FAM149A: variants seen among roughly 807,000 people sequenced by gnomAD.
FAM149A encodes family with sequence similarity 149 member A.
In FAM149A, 71 loss-of-function variants were observed where a neutral mutation model predicts 78.2. That is an observed-to-expected ratio of 0.91 (90% confidence interval 0.75 to 1.11). The LOEUF is 1.11. Among genes scored for constraint, FAM149A ranks in the 50% least tolerant of loss-of-function variants. FAM149A has a pLI of 0.00. For missense variants in FAM149A, 1,036 were observed against 971.0 expected, an observed-to-expected ratio of 1.07 and a Z score of -0.89; for synonymous variants, 446 against 410.5, an observed-to-expected ratio of 1.09 and a Z score of -1.04.
intron 8 of FAM149A, chr4:186,158,305 C>T (rs1734235029): frequency 1.6e-6 from 2 of 1,217,124 alleles, no homozygotes; most frequent in South Asian, 3.0e-5. Flanking sequence ...CTTGGCTAGC[C>T]CACCTCCCAT....
At chr4:186,168,071 C>G (rs1579938018) in intron 13 of FAM149A, among the ~76,000 whole-genome samples, 1 of 152,306 alleles carries the variant, frequency 6.6e-6, no homozygotes, top group East Asian at 1.9e-4. Flanking sequence ...GAATTTTAAA[C>G]ATATAATTCT....
chr4:186,163,961 G>A (rs921009279), intron 10 of FAM149A, among the ~76,000 whole-genome samples: 1 of 152,164 alleles, frequency 6.6e-6, no homozygotes, highest in Non-Finnish European at 1.5e-5. Context: ...TTTTCAAGGG[G>A]AGGTTTAAAT....
rs574253657 is a variant in FAM149A at position 186,146,683 on chromosome 4, C to A, written c.567-2490C>A. The A allele has an allele frequency of 5.4e-6, 4 of 743,324 alleles. No individual in the cohort carries two copies. In the African/African-American group the frequency reaches 7.6e-5, roughly 14 times the overall value. 46.0% of individuals were successfully genotyped at this position (743,324 alleles called of 1,614,324 possible). A position where few individuals can be genotyped will look rare whatever the true frequency, so the allele number is the denominator to read the frequency against. On this transcript the variant is annotated intron_variant, in intron 1 of 13. Coordinates refer to ENST00000389354, the MANE Select transcript of FAM149A (RefSeq NM_001367768.3). ...ACCGTCTTGAGCAGAGCAGATGCTC[C>A]GTTTGGCGGTGAAAACCATTTGGGG... is the stretch of plus-strand genomic sequence containing the variant.
intron 7 of FAM149A, among the ~76,000 whole-genome samples, chr4:186,156,921 A>AGCTATGATCGTGCCTCT (rs148148966): frequency 6.6e-5 from 10 of 151,824 alleles, no homozygotes; most frequent in Admixed American, 2.0e-4. Context: ...ATTGAAAGTG[A>AGCTATGATCGTGCCTCT]GCACTCCATC....
chr4:186,149,436 T>A (rs1733298774), intron 2 of FAM149A, 130 bp from the exon 3 acceptor site: 1 of 1,113,436 alleles, frequency 9.0e-7, no homozygotes. Context: ...TATTTCAAAA[T>A]TAGTATACTG....
chr4:186,165,183 T>C (rs765780663), intron 10 of FAM149A, among the ~76,000 whole-genome samples, 161 bp from the exon 11 acceptor site: 1 of 152,204 alleles, frequency 6.6e-6, no homozygotes, highest in African/African-American at 2.4e-5. Context: ...TGCTATAAGT[T>C]CCCTGGGGAG....
At position 186,149,034 on chromosome 4, in the gene FAM149A, G is replaced by A. The variant is rs574941084; in HGVS notation, c.567-139G>A. 30 of 367,676 alleles carry A rather than the reference G, an allele frequency of 8.2e-5. 1 individual carries two copies. The highest frequency in any genetic ancestry group is 4.3e-4 in the South Asian group (18 of 41,826). The allele number at this position is 367,676 out of a possible 1,614,324, so 22.8% of individuals were successfully genotyped here. ...TGTGTGTGTGTGTGTGTGTGTGTGC[G>A]CTCATGCACAGGTGGGTTTGGAGGG... On this transcript the variant is annotated intron_variant, in intron 1 of 13. Coordinates refer to ENST00000389354, the MANE Select transcript of FAM149A (RefSeq NM_001367768.3).
At position 186,167,044 on chromosome 4, in the gene FAM149A, G is replaced by A. The variant is rs778676220; in HGVS notation, c.2087G>A (p.Arg696Lys). 6.2e-7 allele frequency: 1 copy of A among 1,614,170 alleles called. No individual in the cohort carries two copies. The highest frequency in any genetic ancestry group is 1.1e-5 in the South Asian group (1 of 91,072). The change falls in exon 12 of 14, where the codon AGA (arginine) becomes AAA (lysine). Residue 696 changes from arginine (R) to lysine (K), a missense_variant. By Grantham distance (26) the Arg-to-Lys change is conservative. Around this residue, in one of 3 missense-constraint regions of FAM149A, gnomAD observed 716 missense variants for 711.8 expected, o/e 1.01. Coordinates refer to ENST00000389354, the MANE Select transcript of FAM149A (RefSeq NM_001367768.3). ...ACAGAACGATCGCGTCTTCGAGAAA[G>A]AACAGCCACCCTGGAACGGTTGTCA... is the stretch of plus-strand genomic sequence containing the variant.
intron 1 of FAM149A, among the ~76,000 whole-genome samples, chr4:186,132,493 T>G (rs1454657759): frequency 2.6e-5 from 4 of 152,180 alleles, no homozygotes; most frequent in African/African-American, 9.7e-5. Context: ...CTAAGACAGG[T>G]CTCAACCGAT....
rs1296424708 is a variant in FAM149A at position 186,156,005 on chromosome 4, ATGAATGTCT to A, written c.1240_1248del (p.Cys414_Glu416del). The A allele has an allele frequency of 1.4e-5, 23 of 1,610,636 alleles. No homozygotes were observed. Among genetic ancestry groups the A allele is most frequent in the Non-Finnish European group, 1.9e-5 (22 of 1,178,954 alleles). ...GAGTGGGTTTTTATTCTTAGTGATG[ATGAATGTCT>A]TGAACAAAAACCAGCTCAGCCCGGT... On this transcript the variant is annotated inframe_deletion, in exon 7 of 14. Transcript: ENST00000389354.
intron 1 of FAM149A, among the ~76,000 whole-genome samples, chr4:186,119,070 G>A (rs1023314544): frequency 2.0e-5 from 3 of 151,982 alleles, no homozygotes; most frequent in Admixed American, 6.6e-5. Context: ...CACGTACAGG[G>A]GACACTCTTC....
intron 1 of FAM149A, among the ~76,000 whole-genome samples, chr4:186,119,207 C>T (rs924698613): frequency 4.6e-5 from 7 of 152,056 alleles, no homozygotes; most frequent in African/African-American, 1.2e-4. Flanking sequence ...AATGGTCTCA[C>T]GAATAGTGTT....
chr4:186,148,962 AATG>A (rs951345832), intron 1 of FAM149A, among the ~76,000 whole-genome samples: 5 of 151,726 alleles, frequency 3.3e-5, no homozygotes, highest in African/African-American at 9.7e-5. Flanking sequence ...GAAAAAGAAA[AATG>A]ATGACATCCT....
At chr4:186,158,085 C>T (rs755022913) in intron 8 of FAM149A, 29 of 1,350,112 alleles carry the variant, frequency 2.1e-5, no homozygotes, top group Non-Finnish European at 2.4e-5. Context: ...GCTGGCAGCT[C>T]GTGCCATTGT....
intron 1 of FAM149A, among the ~76,000 whole-genome samples, chr4:186,122,511 TAG>T (rs2099316513): frequency 6.6e-6 from 1 of 152,214 alleles, no homozygotes; most frequent in Non-Finnish European, 1.5e-5. Flanking sequence ...TAGGGATCAG[TAG>T]AGTGTCATGA....
At chr4:186,154,378 C>G in intron 5 of FAM149A, 90 bp from the exon 6 acceptor site, 1 of 1,111,728 alleles carries the variant, frequency 9.0e-7, no homozygotes, top group Non-Finnish European at 1.3e-6. Flanking sequence ...CTGTACTTTA[C>G]AGATAATTGA....
At chr4:186,160,499 CACAT>C (rs1734496993) in intron 8 of FAM149A, among the ~76,000 whole-genome samples, 2 of 148,098 alleles carry the variant, frequency 1.4e-5, no homozygotes, top group Non-Finnish European at 3.0e-5. Context: ...ACTATACAAA[CACAT>C]ACCAAATACA....
At chr4:186,128,621 G>C (rs2099319357) in intron 1 of FAM149A, among the ~76,000 whole-genome samples, 1 of 152,102 alleles carries the variant, frequency 6.6e-6, no homozygotes, top group African/African-American at 2.4e-5. Flanking sequence ...AATATGTCTA[G>C]TATATTTCAG....
At chr4:186,145,918 A>C (rs774604110) in intron 1 of FAM149A, among the ~76,000 whole-genome samples, 1 of 152,170 alleles carries the variant, frequency 6.6e-6, no homozygotes, top group Non-Finnish European at 1.5e-5. Context: ...AAGAGGTTCA[A>C]CATTATGCAT....
Sources: allele counts gnomAD v4.1 joint callset (sites outside exome capture counted in the v4.1 genomes callset), GRCh38; gene constraint gnomAD v4.1.1; regional missense constraint gnomAD v4.1.1; transcripts MANE v1.5; gene names NCBI Gene and HGNC (gene_info 2026-07-23, HGNC 2026-07-21).